The following LARP4B variants were observed in gnomAD, a reference collection of about 807,000 sequenced individuals.
The protein encoded by LARP4B is la-related protein 4B.
LARP4B carries 12 observed loss-of-function variants against 89.8 expected under a neutral mutation model. The observed-to-expected ratio is 0.13, with a 90% CI of 0.09 to 0.22. LARP4B has a LOEUF of 0.22. Among genes scored for constraint, LARP4B ranks in the 10% least tolerant of loss-of-function variants. The pLI, the probability that LARP4B is intolerant of heterozygous loss-of-function variation, is 1.00. For missense variants in LARP4B, 757 were observed against 947.7 expected (o/e 0.80, Z 2.64); for synonymous variants, 367 against 363.3 (o/e 1.01, Z -0.12).
Position 915,652 on chromosome 10 carries a change from C to A in LARP4B, c.-40+15776G>T, listed in dbSNP as rs566542009. ...ACCCCATCTCTACTAAAAATACAAA[C>A]AATTAGCTGGATGTGGTGGTGGGCG... On this transcript the variant is annotated intron_variant, in intron 1 of 17. Coordinates refer to ENST00000316157, the MANE Select transcript of LARP4B (RefSeq NM_015155.3). 1.1e-3 allele frequency among the ~76,000 whole-genome samples: 168 copies of A among 151,806 alleles called. 1 individual carries two copies. Among genetic ancestry groups the A allele is most frequent in the African/African-American group, 3.6e-3 (149 of 41,420 alleles).
chr10:889,033 C>T (rs566127986), intron 1 of LARP4B, among the ~76,000 whole-genome samples: 3 of 152,046 alleles, frequency 2.0e-5, no homozygotes, highest in East Asian at 1.9e-4. Flanking sequence ...TTCAGTAAGC[C>T]GAGATCGCAC....
At chr10:962,298 CAAAA>C in the LARP4B span, among the ~76,000 whole-genome samples, 4 of 60,632 alleles carry the variant, frequency 6.6e-5, no homozygotes, top group Non-Finnish European at 7.0e-5. Context: ...ACTCCATCTC[CAAAA>C]AAAAAAAAAA....
At chr10:900,391 T>C (rs1370524585) in intron 1 of LARP4B, among the ~76,000 whole-genome samples, 6 of 140,204 alleles carry the variant, frequency 4.3e-5, no homozygotes, top group Non-Finnish European at 9.2e-5. Flanking sequence ...AGCACAGTCA[T>C]AGCATTCTAG....
chr10:917,087 G>A (rs1417560195), intron 1 of LARP4B, among the ~76,000 whole-genome samples: 1 of 152,164 alleles, frequency 6.6e-6, no homozygotes, highest in African/African-American at 2.4e-5. Flanking sequence ...ATAAACTGTT[G>A]TGTTCATGAT....
intron 5 of LARP4B, among the ~76,000 whole-genome samples, chr10:856,454 A>C (rs1340331720): frequency 6.6e-6 from 1 of 152,232 alleles, no homozygotes; most frequent in Non-Finnish European, 1.5e-5. Flanking sequence ...GATCCTACGT[A>C]AAGTCACAAG....
intron 5 of LARP4B, among the ~76,000 whole-genome samples, chr10:848,253 A>C (rs1833876626): frequency 6.6e-6 from 1 of 152,196 alleles, no homozygotes; most frequent in Non-Finnish European, 1.5e-5. Flanking sequence ...CTCACACCTA[A>C]CATCTTAAAA....
At chr10:976,078 G>A in the LARP4B span, among the ~76,000 whole-genome samples, 1 of 133,280 alleles carries the variant, frequency 7.5e-6, no homozygotes, top group African/African-American at 2.7e-5. Context: ...GTCGCGTAAC[G>A]TGTGGACCCG....
In LARP4B at chr10:813,004, C is replaced by T. The variant is rs147920244; in HGVS notation, c.2139G>A (p.Ala713=). 54 of 1,592,824 alleles carry T rather than the reference C, an allele frequency of 3.4e-5. No homozygotes were observed. The highest frequency in any genetic ancestry group is 2.0e-4 in the East Asian group (9 of 44,788). ...PGAPRDQRRP[A]GGRPSPSAMG... ...TGGCCGAGGGCGAGGGCCGGCCCCC[C>T]GCCGGCCGCCTCTGGTCTCTGGGGG... is the stretch of plus-strand genomic sequence containing the variant. Residue 713 remains alanine, a synonymous_variant, in exon 18 of 18, where the codon GCG becomes GCA. Transcript: ENST00000316157.
At position 814,095 on chromosome 10, in the gene LARP4B, C is replaced by T. The variant is rs1462354664; in HGVS notation, c.1929+647G>A. ...GGATTACAGGCGTGAGCCACAGCACCTGGCCTCTTTTATTATTATTATTAT... is the reference window on the plus strand; with the variant it reads ...GGATTACAGGCGTGAGCCACAGCACTTGGCCTCTTTTATTATTATTATTAT... On this transcript the variant is annotated intron_variant, in intron 17 of 17. Coordinates refer to ENST00000316157, the MANE Select transcript of LARP4B (RefSeq NM_015155.3). This position sits in a 1 kb window ranked among gnomAD's most constrained non-coding sequence, Gnocchi z 4.4. 6.6e-6 allele frequency among the ~76,000 whole-genome samples: 1 copy of T among 151,788 alleles called. No homozygotes were observed. Among genetic ancestry groups the T allele is most frequent in the African/African-American group, 2.4e-5 (1 of 41,376 alleles).
chr10:898,967 G>C (rs575650127), intron 1 of LARP4B, among the ~76,000 whole-genome samples: 1 of 152,166 alleles, frequency 6.6e-6, no homozygotes, highest in Non-Finnish European at 1.5e-5. Context: ...ATGTCACATC[G>C]TAACATGACC....
At chr10:828,480 T>C (rs1832734973) in intron 11 of LARP4B, among the ~76,000 whole-genome samples, 1 of 152,220 alleles carries the variant, frequency 6.6e-6, no homozygotes. Flanking sequence ...GCTCTGCACC[T>C]ACCCTCCTTT....
the LARP4B span, among the ~76,000 whole-genome samples, chr10:965,580 G>C: frequency 1.3e-5 from 2 of 151,952 alleles, no homozygotes; most frequent in African/African-American, 4.8e-5. Context: ...AACAAACTAA[G>C]GAAGAAAGGA....
At chr10:958,504 G>GT in the LARP4B span, among the ~76,000 whole-genome samples, 1 of 152,222 alleles carries the variant, frequency 6.6e-6, no homozygotes, top group South Asian at 2.1e-4. Flanking sequence ...AAAAGCACCT[G>GT]TGTAGCCTTG....
chr10:947,250 C>T, the LARP4B span, among the ~76,000 whole-genome samples: 5 of 152,142 alleles, frequency 3.3e-5, no homozygotes, highest in Admixed American at 1.3e-4. Context: ...TCATCATCTG[C>T]GTGTCTTGCC....
the LARP4B span, among the ~76,000 whole-genome samples, chr10:982,139 G>T: frequency 9.5e-6 from 1 of 105,076 alleles, no homozygotes. Flanking sequence ...TTTTTGAGAT[G>T]GAATCTTACT....
chr10:831,890 T>C (rs1442346046), intron 8 of LARP4B, among the ~76,000 whole-genome samples: 1 of 152,158 alleles, frequency 6.6e-6, no homozygotes, highest in Non-Finnish European at 1.5e-5. Flanking sequence ...ATAGAAAATA[T>C]GACCTATAAT....
At chr10:896,666 G>A (rs2131972960) in intron 1 of LARP4B, among the ~76,000 whole-genome samples, 1 of 152,174 alleles carries the variant, frequency 6.6e-6, no homozygotes, top group Non-Finnish European at 1.5e-5. Context: ...ACTTAACATA[G>A]TAAATACAGA....
chr10:831,462 G>C (rs901720253), intron 8 of LARP4B, among the ~76,000 whole-genome samples: 1 of 152,204 alleles, frequency 6.6e-6, no homozygotes, highest in African/African-American at 2.4e-5. Context: ...CCCTGAGAGG[G>C]ACATGAACAG....
At chr10:922,278 C>T (rs1837002347) in intron 1 of LARP4B, among the ~76,000 whole-genome samples, 1 of 152,226 alleles carries the variant, frequency 6.6e-6, no homozygotes, top group African/African-American at 2.4e-5. Context: ...AATGCTCACT[C>T]ACCCTGCTGC....
Sources: allele counts gnomAD v4.1 joint callset (sites outside exome capture counted in the v4.1 genomes callset), GRCh38; gene constraint gnomAD v4.1.1; non-coding constraint Gnocchi (gnomAD v3.1); transcripts MANE v1.5; gene names NCBI Gene and HGNC (gene_info 2026-07-23, HGNC 2026-07-21).